The following FAM151B variants were observed in gnomAD, a reference collection of about 807,000 sequenced individuals.
FAM151B encodes family with sequence similarity 151 member B, also known as protein FAM151B.
In FAM151B, 24 loss-of-function variants were observed where a neutral mutation model predicts 31.2. That is an observed-to-expected ratio of 0.77 (90% CI 0.56 to 1.08). The LOEUF (loss-of-function observed/expected upper bound fraction) is 1.08, where lower values mean the gene tolerates loss of function less well. Ranked by LOEUF, FAM151B falls within the 50% of genes least tolerant of loss-of-function variation. The pLI is 0.00. For missense variants in FAM151B, 293 were observed against 328.6 expected, an observed-to-expected ratio of 0.89 and a Z score of 0.84; for synonymous variants, 105 against 111.4, an observed-to-expected ratio of 0.94 and a Z score of 0.36.
chr5:80,519,470 A>T lies in FAM151B; in HGVS notation c.318-223A>T, dbSNP rs187200659. Among the ~76,000 whole-genome samples the T allele has an allele frequency of 3.0e-3, 452 of 152,206 alleles. 2 individuals are homozygous for T. Among genetic ancestry groups the T allele is most frequent in the Non-Finnish European group, 5.2e-3 (352 of 67,994 alleles). On this transcript the variant is annotated intron_variant, in intron 3 of 5. Coordinates refer to ENST00000282226, the MANE Select transcript of FAM151B (RefSeq NM_205548.3). ...AGTACCACTATTCATATATTTATAGACTCTTTAAGGTATATTCATGAATAA... is the reference window on the plus strand; with the variant it reads ...AGTACCACTATTCATATATTTATAGTCTCTTTAAGGTATATTCATGAATAA...
chr5:80,489,814 C>G (rs1417424177), intron 1 of FAM151B, among the ~76,000 whole-genome samples: 1 of 151,902 alleles, frequency 6.6e-6, no homozygotes, highest in Non-Finnish European at 1.5e-5. Context: ...GTCTCAACTA[C>G]TAAGGAGGCT....
chr5:80,488,164 G>C lies in FAM151B; in HGVS notation c.25+16G>C, dbSNP rs1483312994. The C allele has an allele frequency of 7.1e-6, 11 of 1,540,648 alleles. No homozygotes were observed. The highest frequency in any genetic ancestry group is 9.6e-6 in the Non-Finnish European group (11 of 1,145,304). ...GGAGGCCCAGGTAAGCGCCGAGCGC[G>C]CGGCCTCTGCCTGGAGGTGGGGCGC... is the stretch of plus-strand genomic sequence containing the variant. On this transcript the variant is annotated intron_variant, in intron 1 of 5. Coordinates refer to ENST00000282226, the MANE Select transcript of FAM151B (RefSeq NM_205548.3).
At chr5:80,538,428 CTTTCTTTCTTTCTTTCTT>C (rs1561383321) in intron 5 of FAM151B, among the ~76,000 whole-genome samples, 128 of 58,238 alleles carry the variant, frequency 2.2e-3, no homozygotes, top group East Asian at 0.021. Flanking sequence ...TTCTTTCTTT[CTTTCTTTCTTTCTTTCTT>C]TCTCTTTCTT....
intron 1 of FAM151B, among the ~76,000 whole-genome samples, chr5:80,493,792 T>C (rs2112595226): frequency 6.6e-6 from 1 of 152,330 alleles, no homozygotes. Flanking sequence ...CAAGACAATA[T>C]GTGCACAGCG....
At chr5:80,515,923 A>G (rs1301822220) in intron 3 of FAM151B, among the ~76,000 whole-genome samples, 2 of 152,218 alleles carry the variant, frequency 1.3e-5, no homozygotes, top group Non-Finnish European at 2.9e-5. Context: ...TTTAACCAGA[A>G]TGCTGCACTC....
At chr5:80,531,102 TC>T (rs1211664077) in intron 5 of FAM151B, among the ~76,000 whole-genome samples, 1 of 152,152 alleles carries the variant, frequency 6.6e-6, no homozygotes, top group Admixed American at 6.6e-5. Flanking sequence ...AACCATCTGA[TC>T]TTTGACAAAC....
At chr5:80,531,629 A>G (rs914830718) in intron 5 of FAM151B, among the ~76,000 whole-genome samples, 3 of 152,230 alleles carry the variant, frequency 2.0e-5, no homozygotes, top group Non-Finnish European at 4.4e-5. Flanking sequence ...CAACAGACAC[A>G]TGAAAAAATG....
At chr5:80,532,010 G>C (rs1035121459) in intron 5 of FAM151B, among the ~76,000 whole-genome samples, 2 of 148,578 alleles carry the variant, frequency 1.3e-5, no homozygotes, top group African/African-American at 2.6e-5. Context: ...ATGATAGACT[G>C]GATTAAGAAA....
Position 80,500,305 on chromosome 5 carries a change from C to T in FAM151B, c.26-1487C>T. The T allele has an allele frequency of 2.7e-6, 2 of 754,596 alleles. 1 individual carries two copies. Among genetic ancestry groups the T allele is most frequent in the South Asian group, 2.8e-5 (2 of 72,246 alleles). 46.7% of individuals were successfully genotyped at this position (754,596 alleles called of 1,614,324 possible). A position where few individuals can be genotyped will look rare whatever the true frequency, so the allele number is the denominator to read the frequency against. ...ATACAGAACAGATATATAAGATGAG[C>T]AAGTTGCCTCTTTTTCCGGCTGGAA... On this transcript the variant is annotated intron_variant, in intron 1 of 5. Transcript: ENST00000282226.
intron 5 of FAM151B, among the ~76,000 whole-genome samples, chr5:80,525,105 T>TA (rs1322640238): frequency 6.6e-6 from 1 of 152,212 alleles, no homozygotes; most frequent in African/African-American, 2.4e-5. Context: ...TTATTTTAGT[T>TA]ACTCTGGTGT....
intron 5 of FAM151B, among the ~76,000 whole-genome samples, chr5:80,536,120 A>C (rs1033503336): frequency 6.6e-6 from 1 of 152,096 alleles, no homozygotes; most frequent in Non-Finnish European, 1.5e-5. Context: ...AGGGAACCCT[A>C]GTATGCTGTT....
chr5:80,520,700 ATT>A (rs1561372777), intron 4 of FAM151B, among the ~76,000 whole-genome samples: 3 of 119,322 alleles, frequency 2.5e-5, no homozygotes, highest in Middle Eastern at 4.1e-3. Flanking sequence ...ATATATATAT[ATT>A]TATTTATTAT....
intron 2 of FAM151B, among the ~76,000 whole-genome samples, chr5:80,505,434 A>G (rs377271367): frequency 2.0e-4 from 30 of 148,640 alleles, no homozygotes; most frequent in East Asian, 1.2e-3. Context: ...TCACTCTGTC[A>G]CCCAGGCTGG....
At chr5:80,524,756 G>A (rs2112651154) in intron 5 of FAM151B, among the ~76,000 whole-genome samples, 1 of 152,244 alleles carries the variant, frequency 6.6e-6, no homozygotes, top group Non-Finnish European at 1.5e-5. Flanking sequence ...TGGATAATAT[G>A]CTTCTACTTT....
intron 5 of FAM151B, among the ~76,000 whole-genome samples, chr5:80,540,530 G>A (rs32856): frequency 0.047 from 7,161 of 151,968 alleles, 246 homozygotes; most frequent in Middle Eastern, 0.075. Flanking sequence ...TCCTCAGGCC[G>A]TTTTTTCCAT....
At chr5:80,512,476 T>C (rs1744227974) in intron 2 of FAM151B, among the ~76,000 whole-genome samples, 1 of 152,186 alleles carries the variant, frequency 6.6e-6, no homozygotes, top group South Asian at 2.1e-4. Context: ...CTCAAATAAA[T>C]GCCCTTTTAA....
Position 80,542,176 on chromosome 5 carries a change from G to T in FAM151B, c.*344G>T. ...TATAAATCACATGTGCTTGGCACTT[G>T]CATTACAGAGATTATGAAAAATATG... On this transcript the variant is annotated 3_prime_UTR_variant, in exon 6 of 6. Transcript: ENST00000282226. 1 of 173,508 alleles carries T rather than the reference G, an allele frequency of 5.8e-6. No individual in the cohort carries two copies. The highest frequency in any genetic ancestry group is 1.6e-4 in the East Asian group (1 of 6,062). 10.7% of individuals were successfully genotyped at this position (173,508 alleles called of 1,614,324 possible).
intron 3 of FAM151B, 72 bp from the exon 4 acceptor site, chr5:80,519,621 C>G (rs1744609356): frequency 1.6e-6 from 2 of 1,233,618 alleles, no homozygotes; most frequent in African/African-American, 1.5e-5. Flanking sequence ...ACATTGAGAC[C>G]ACTAGTCTAA....
intron 3 of FAM151B, among the ~76,000 whole-genome samples, chr5:80,515,999 C>G (rs1744430944): frequency 6.6e-6 from 1 of 152,172 alleles, no homozygotes; most frequent in South Asian, 2.1e-4. Flanking sequence ...TTTTGTGCTT[C>G]TAAGTTACTT....
Sources: gnomAD v4.1 joint callset for allele counts (sites outside exome capture counted in the v4.1 genomes callset) on GRCh38, gnomAD v4.1.1 for gene constraint, MANE v1.5 for transcripts, NCBI Gene and HGNC (gene_info 2026-07-23, HGNC 2026-07-21) for gene names.